The following PLCD4 variants were observed in gnomAD, a reference collection of about 807,000 sequenced individuals.
The protein encoded by PLCD4 is 1-phosphatidylinositol 4,5-bisphosphate phosphodiesterase delta-4.
PLCD4 carries 63 observed loss-of-function variants against 90.2 expected under a neutral mutation model. The observed-to-expected ratio is 0.70, with a 90% CI of 0.57 to 0.86. The LOEUF is 0.86. PLCD4 is among the 40% of genes least tolerant of loss of function. The pLI is 0.00. For synonymous variants in PLCD4, 294 were observed against 356.5 expected (o/e 0.82, Z 1.97); for missense variants, 830 against 956.3 (o/e 0.87, Z 1.74).
intron 3 of PLCD4, 50 bp from the exon 4 acceptor site, chr2:218,618,529 A>G: frequency 6.6e-7 from 1 of 1,521,736 alleles, no homozygotes; most frequent in Non-Finnish European, 9.1e-7. Flanking sequence ...AGCCCCTGCT[A>G]TTTGTTGGAA....
At chr2:218,633,411 C>T (rs529528734) in intron 10 of PLCD4, 194 bp from the exon 11 acceptor site, 40 of 733,066 alleles carry the variant, frequency 5.5e-5, no homozygotes, top group Middle Eastern at 2.3e-4. Context: ...CTGTTTTGTC[C>T]GTCTATCTGT....
chr2:218,620,998 C>T (rs746722896), intron 4 of PLCD4, among the ~76,000 whole-genome samples: 18 of 151,468 alleles, frequency 1.2e-4, no homozygotes, highest in African/African-American at 1.7e-4. Flanking sequence ...GGTGCCATCT[C>T]GGCTCCATGC....
intron 1 of PLCD4, among the ~76,000 whole-genome samples, chr2:218,615,301 C>A (rs1429385973): frequency 6.6e-6 from 1 of 152,146 alleles, no homozygotes; most frequent in Non-Finnish European, 1.5e-5. Flanking sequence ...ATAGAGAGGA[C>A]TCCCAGAATA....
Position 218,618,812 on chromosome 2 carries a change from C to G in PLCD4, c.410+5C>G. 6.3e-7 allele frequency: 1 copy of G among 1,575,490 alleles called. No individual in the cohort carries two copies. Among genetic ancestry groups the G allele is most frequent in the Non-Finnish European group, 8.6e-7 (1 of 1,159,830 alleles). On this transcript the variant is annotated splice_donor_5th_base_variant and intron_variant, in intron 4 of 15. Transcript: ENST00000450993. The stretch of plus-strand genomic sequence containing the variant: ...CCATCAGGAGCGCCTGGACCAGTAT[C>G]GGCAGGATGGAGTCAGGGTGGGGGT...
At chr2:218,613,124 C>G (rs1282210577) in intron 1 of PLCD4, among the ~76,000 whole-genome samples, 1 of 152,164 alleles carries the variant, frequency 6.6e-6, no homozygotes, top group East Asian at 1.9e-4. Flanking sequence ...GGTGAGGTGG[C>G]TCATGCCTGT....
At chr2:218,630,888 T>C (rs1319164060) in intron 9 of PLCD4, 86 bp downstream of exon 9, 26 of 1,388,966 alleles carry the variant, frequency 1.9e-5, no homozygotes, top group Non-Finnish European at 2.5e-5. Context: ...CCCTCTTTGT[T>C]CCCTTCTTTC....
intron 7 of PLCD4, 70 bp from the exon 8 acceptor site, chr2:218,629,449 G>C: frequency 6.4e-7 from 1 of 1,561,962 alleles, no homozygotes; most frequent in East Asian, 2.3e-5. Context: ...CTCCAGAGTG[G>C]GGAGAGTCCC....
At position 218,637,113 on chromosome 2, in the gene PLCD4, T is replaced by G. The variant is rs1274188345; in HGVS notation, c.*536T>G. 1.2e-5 allele frequency: 4 copies of G among 333,626 alleles called. No individual in the cohort carries two copies. Among genetic ancestry groups the G allele is most frequent in the Non-Finnish European group, 5.9e-6 (1 of 169,348 alleles). The allele number at this position is 333,626 out of a possible 1,614,324, so 20.7% of individuals were successfully genotyped here. A position where few individuals can be genotyped will look rare whatever the true frequency, so the allele number is the denominator to read the frequency against. ...CTCTTAAGAGAACACTGCACAGCACTCAAAGTCCCCCACTGGACTGCTTCC... is the reference window on the plus strand; with the variant it reads ...CTCTTAAGAGAACACTGCACAGCACGCAAAGTCCCCCACTGGACTGCTTCC... On this transcript the variant is annotated 3_prime_UTR_variant, in exon 16 of 16. Coordinates refer to ENST00000450993, the MANE Select transcript of PLCD4 (RefSeq NM_032726.4).
chr2:218,620,293 CAGG>C (rs1695810887), intron 4 of PLCD4, among the ~76,000 whole-genome samples: 1 of 152,034 alleles, frequency 6.6e-6, no homozygotes, highest in South Asian at 2.1e-4. Flanking sequence ...CACCTGAGGC[CAGG>C]AGTTCGACAT....
intron 6 of PLCD4, among the ~76,000 whole-genome samples, chr2:218,626,156 G>C (rs1466048104): frequency 1.3e-5 from 2 of 152,068 alleles, no homozygotes; most frequent in African/African-American, 4.8e-5. Flanking sequence ...CTACTTGAGA[G>C]GCTGAGGTGA....
intron 1 of PLCD4, 93 bp downstream of exon 1, chr2:218,608,163 T>G (rs1695175089): frequency 6.6e-6 from 1 of 152,512 alleles, no homozygotes; most frequent in African/African-American, 2.4e-5. Flanking sequence ...CCACCCTGAT[T>G]AAATTGTACC....
Position 218,618,708 on chromosome 2 carries a change from T to C in PLCD4, c.311T>C (p.Leu104Pro), listed in dbSNP as rs754080207. 6.2e-7 allele frequency: 1 copy of C among 1,613,586 alleles called. No individual in the cohort carries two copies. The highest frequency in any genetic ancestry group is 8.5e-7 in the Non-Finnish European group (1 of 1,179,730). Reference sequence around the variant, plus strand: ...CATGGCCGCCGCTCCAACCTGGACCTGATGGCCAACAGTGTTGAGGAGGCC... The same window carrying C: ...CATGGCCGCCGCTCCAACCTGGACCCGATGGCCAACAGTGTTGAGGAGGCC... ...VFHGRRSNLD[L>P]MANSVEEAQI... The change falls in exon 4 of 16, where the codon CTG (leucine) becomes CCG (proline). Residue 104 changes from leucine to proline, a missense_variant. Leu to Pro is a moderately conservative substitution (Grantham distance 98, BLOSUM62 -3). Transcript: ENST00000450993.
rs1559265898 is a variant in PLCD4 at position 218,619,286 on chromosome 2, T to TG, written c.410+479_410+480insG. On this transcript the variant is annotated intron_variant, in intron 4 of 15. Transcript: ENST00000450993. ...GGGTACATATATATATATATATATA[T>TG]ATATGTTTTGTTTTGTTTTGTTTTT... is the stretch of plus-strand genomic sequence containing the variant. Among the ~76,000 whole-genome samples, 17 of 151,312 alleles carry TG rather than the reference T, an allele frequency of 1.1e-4. No individual in the cohort carries two copies. In the South Asian group the frequency reaches 1.7e-3, roughly 15 times the overall value.
intron 10 of PLCD4, chr2:218,633,233 AGAGG>A (rs1696488516): frequency 1.7e-6 from 1 of 600,222 alleles, no homozygotes; most frequent in South Asian, 2.1e-5. Flanking sequence ...GTTTTAAATG[AGAGG>A]GAGGGAGGAT....
intron 1 of PLCD4, among the ~76,000 whole-genome samples, chr2:218,608,998 C>T (rs1030680215): frequency 2.6e-5 from 4 of 151,840 alleles, no homozygotes; most frequent in African/African-American, 4.8e-5. Context: ...ATTAGCCGGG[C>T]GAGGTGGGTG....
At chr2:218,620,150 G>A (rs1695805290) in intron 4 of PLCD4, among the ~76,000 whole-genome samples, 1 of 152,298 alleles carries the variant, frequency 6.6e-6, no homozygotes, top group African/African-American at 2.4e-5. Context: ...AAAGTGCTGG[G>A]ATTAGAGGTG....
At position 218,628,247 on chromosome 2, in the gene PLCD4, G is replaced by A. The variant is rs1696202268; in HGVS notation, c.974+17G>A. The A allele has an allele frequency of 6.2e-7, 1 of 1,610,066 alleles. No homozygotes were observed. The highest frequency in any genetic ancestry group is 8.5e-7 in the Non-Finnish European group (1 of 1,176,536). On this transcript the variant is annotated intron_variant, in intron 7 of 15. Transcript: ENST00000450993. Reference sequence around the variant, plus strand: ...ATATATACGGTGCAGTGGTGGTAGAGAAGGGGTCCAACTCATGAGAGGGAC... The same window carrying A: ...ATATATACGGTGCAGTGGTGGTAGAAAAGGGGTCCAACTCATGAGAGGGAC...
intron 7 of PLCD4, chr2:218,628,915 G>A (rs1033143054): frequency 1.9e-5 from 3 of 153,924 alleles, no homozygotes; most frequent in African/African-American, 7.2e-5. Flanking sequence ...TGTTGTATAG[G>A]GATATAAAGC....
rs71415851 is a variant in PLCD4, at chr2:218,628,216, C to G, written c.960C>G (p.Val320=). The change falls in exon 7 of 16, where the codon GTC becomes GTG. Residue 320 remains valine (V), a synonymous_variant. Coordinates refer to ENST00000450993, the MANE Select transcript of PLCD4 (RefSeq NM_032726.4). ...VGDQLCGQSS[V]EGYIRALKRG... Reference sequence around the variant, plus strand: ...ACCAGCTTTGTGGCCAGAGCAGCGTCGAGGGATATATACGGTGCAGTGGTG... The same window carrying G: ...ACCAGCTTTGTGGCCAGAGCAGCGTGGAGGGATATATACGGTGCAGTGGTG... The G allele has an allele frequency of 6.2e-7, 1 of 1,613,890 alleles. No individual in the cohort carries two copies. Among genetic ancestry groups the G allele is most frequent in the Non-Finnish European group, 8.5e-7 (1 of 1,179,820 alleles).
Sources: gnomAD v4.1 joint callset for allele counts (sites outside exome capture counted in the v4.1 genomes callset) on GRCh38, gnomAD v4.1.1 for gene constraint, MANE v1.5 for transcripts, NCBI Gene and HGNC (gene_info 2026-07-23, HGNC 2026-07-21) for gene names.